TARBP1: variants seen among roughly 807,000 people sequenced by gnomAD.
TARBP1 encodes tRNA (guanosine(18)-2'-O)-methyltransferase TARBP1.
In TARBP1, 144 loss-of-function variants were observed where a neutral mutation model predicts 178.6. The observed-to-expected ratio is 0.81, with a 90% CI of 0.70 to 0.93. The LOEUF is 0.93. TARBP1 is among the 40% of genes least tolerant of loss of function. The probability of loss-of-function intolerance (pLI) is 0.00; values close to 1 mark genes in which losing one functional copy is unlikely to be tolerated. For missense variants in TARBP1, 2,067 were observed against 2,011.7 expected (o/e 1.03, Z -0.53); for synonymous variants, 787 against 781.0 (o/e 1.01, Z -0.13).
intron 22 of TARBP1, among the ~76,000 whole-genome samples, chr1:234,416,341 T>C (rs771525511): frequency 6.6e-6 from 1 of 152,162 alleles, no homozygotes; most frequent in Non-Finnish European, 1.5e-5. Context: ...TTTGATGCCA[T>C]CTGGAGTGCA....
intron 13 of TARBP1, among the ~76,000 whole-genome samples, chr1:234,435,395 T>C (rs116532909): frequency 0.096 from 14,611 of 152,230 alleles, 868 homozygotes; most frequent in East Asian, 0.23. Flanking sequence ...AGGCAGAAGA[T>C]TGCTTGAACC....
Position 234,430,304 on chromosome 1 carries a change from G to A in TARBP1, c.2395-3C>T, listed in dbSNP as rs1664293965. On this transcript the variant is annotated splice_polypyrimidine_tract_variant and splice_region_variant and intron_variant, in intron 14 of 29. Transcript: ENST00000040877. ...ATCTGACTTCCAACTGTTGGCTCCT[G>A]AAAAGGAAATGTGACAATGTTTTAT... 6.2e-7 allele frequency: 1 copy of A among 1,612,352 alleles called. No individual in the cohort carries two copies. The highest frequency in any genetic ancestry group is 2.2e-5 in the East Asian group (1 of 44,872).
At chr1:234,462,985 C>T (rs12039746) in intron 6 of TARBP1, among the ~76,000 whole-genome samples, 1 of 152,208 alleles carries the variant, frequency 6.6e-6, no homozygotes, top group Non-Finnish European at 1.5e-5. Flanking sequence ...AGAGTAGGTC[C>T]TGCTGCTGCT....
intron 8 of TARBP1, among the ~76,000 whole-genome samples, 179 bp from the exon 9 acceptor site, chr1:234,457,935 T>C (rs989960300): frequency 1.3e-5 from 2 of 151,952 alleles, no homozygotes; most frequent in Non-Finnish European, 2.9e-5. Context: ...GAAAATATTA[T>C]TCAACTTTTA....
chr1:234,405,845 T>A (rs1661179389), intron 24 of TARBP1, 58 bp downstream of exon 24: 1 of 1,512,806 alleles, frequency 6.6e-7, no homozygotes, highest in East Asian at 2.3e-5. Context: ...CACTGCCCCC[T>A]CCCTGTGGGC....
intron 22 of TARBP1, among the ~76,000 whole-genome samples, chr1:234,416,533 G>A (rs955557150): frequency 2.6e-5 from 4 of 152,178 alleles, no homozygotes; most frequent in African/African-American, 9.7e-5. Context: ...CTGACCTCAA[G>A]TAATTCTCCC....
At chr1:234,399,133 A>G (rs1047330515) in intron 25 of TARBP1, among the ~76,000 whole-genome samples, 1 of 152,244 alleles carries the variant, frequency 6.6e-6, no homozygotes, top group Admixed American at 6.5e-5. Context: ...GTCTGACACC[A>G]CTGTAAACAG....
At position 234,447,399 on chromosome 1, in the gene TARBP1, T is replaced by C. The variant is rs572204986; in HGVS notation, c.1962-424A>G. On this transcript the variant is annotated intron_variant, in intron 11 of 29. Transcript: ENST00000040877. ...TATTAAAAACTGTTAACCAACTTTT[T>C]TTTTTTTTTTTTTGAGATGGGGTCT... Among the ~76,000 whole-genome samples the C allele has an allele frequency of 1.9e-3, 273 of 145,660 alleles. 1 individual carries two copies. The highest frequency in any genetic ancestry group is 3.4e-3 in the Middle Eastern group (1 of 292).
At chr1:234,411,378 G>A (rs1024733954) in intron 22 of TARBP1, among the ~76,000 whole-genome samples, 2 of 152,284 alleles carry the variant, frequency 1.3e-5, no homozygotes, top group Admixed American at 1.3e-4. Context: ...AGGGGGCCTG[G>A]AATCAATCCC....
rs768090948 is a variant in TARBP1, at chr1:234,478,449, C to T, written c.655G>A (p.Ala219Thr). 18 of 1,388,222 alleles carry T rather than the reference C, an allele frequency of 1.3e-5. No individual in the cohort carries two copies. Among genetic ancestry groups the T allele is most frequent in the Non-Finnish European group, 1.6e-5 (17 of 1,067,322 alleles). The allele number at this position is 1,388,222 out of a possible 1,614,324, so 86.0% of individuals were successfully genotyped here. Reference protein sequence around the residue: ...AVWGGLAAPGASLGSGRVEEK... With the variant: ...AVWGGLAAPGTSLGSGRVEEK... Reference sequence around the variant, plus strand: ...TCTACGCGGCCGGACCCCAGGGACGCCCCAGGCGCGGCCAGCCCGCCCCAC... The same window carrying T: ...TCTACGCGGCCGGACCCCAGGGACGTCCCAGGCGCGGCCAGCCCGCCCCAC... Residue 219 changes from alanine (A) to threonine (T), a missense_variant, in exon 1 of 30, where the codon GCG (alanine) becomes ACG (threonine). Coordinates refer to ENST00000040877, the MANE Select transcript of TARBP1 (RefSeq NM_005646.4).
At chr1:234,447,784 T>C (rs928281360) in intron 11 of TARBP1, among the ~76,000 whole-genome samples, 20 of 144,014 alleles carry the variant, frequency 1.4e-4, no homozygotes, top group African/African-American at 4.6e-4. Context: ...ATGAGTGTTT[T>C]ATCTTTATTA....
intron 12 of TARBP1, among the ~76,000 whole-genome samples, chr1:234,439,268 A>T (rs1218546296): frequency 6.6e-6 from 1 of 152,214 alleles, no homozygotes; most frequent in Non-Finnish European, 1.5e-5. Context: ...TTTGTTGGTT[A>T]AAAGCAAAAA....
At chr1:234,418,692 C>T (rs1000191495) in intron 21 of TARBP1, among the ~76,000 whole-genome samples, 1 of 152,198 alleles carries the variant, frequency 6.6e-6, no homozygotes, top group African/African-American at 2.4e-5. Flanking sequence ...TCAGGCTCGT[C>T]GTCCTCCTGC....
chr1:234,455,999 T>C (rs1007447549), intron 9 of TARBP1, among the ~76,000 whole-genome samples: 1 of 152,220 alleles, frequency 6.6e-6, no homozygotes, highest in African/African-American at 2.4e-5. Flanking sequence ...ATGTTTTATC[T>C]ACCAAAGTGG....
At chr1:234,437,201 T>A in intron 13 of TARBP1, 74 bp downstream of exon 13, 1 of 755,294 alleles carries the variant, frequency 1.3e-6, no homozygotes, top group Non-Finnish European at 2.1e-6. Context: ...TTTAATACAG[T>A]GTCAGTAATC....
intron 6 of TARBP1, among the ~76,000 whole-genome samples, chr1:234,461,298 A>G (rs1398899762): frequency 1.3e-5 from 2 of 150,714 alleles, no homozygotes; most frequent in African/African-American, 4.9e-5. Context: ...TTTAAAAGGT[A>G]ATTTTTTGTT....
Position 234,478,458 on chromosome 1 carries a change from C to A in TARBP1, c.646G>T (p.Ala216Ser). 7.2e-7 allele frequency: 1 copy of A among 1,383,814 alleles called. No homozygotes were observed. The highest frequency in any genetic ancestry group is 2.8e-5 in the Admixed American group (1 of 35,718). 85.7% of individuals were successfully genotyped at this position (1,383,814 alleles called of 1,614,324 possible). A position where few individuals can be genotyped will look rare whatever the true frequency, so the allele number is the denominator to read the frequency against. Residue 216 changes from alanine (A) to serine (S), a missense_variant, in exon 1 of 30, where the codon GCG (alanine) becomes TCG (serine). Physicochemically the swap from Ala to Ser is moderately conservative, Grantham distance 99. Coordinates refer to ENST00000040877, the MANE Select transcript of TARBP1 (RefSeq NM_005646.4). The stretch of plus-strand genomic sequence containing the variant: ...CCGGACCCCAGGGACGCCCCAGGCG[C>A]GGCCAGCCCGCCCCACACGGCCCGC... ...ALRAVWGGLAAPGASLGSGRV... is the reference protein window; with the variant it reads ...ALRAVWGGLASPGASLGSGRV...
chr1:234,394,978 C>T (rs1479515841), intron 26 of TARBP1, among the ~76,000 whole-genome samples: 1 of 151,496 alleles, frequency 6.6e-6, no homozygotes, highest in Non-Finnish European at 1.5e-5. Context: ...AATCCCAGCA[C>T]TTTAGGAGGC....
At chr1:234,417,200 G>A (rs1258714096) in intron 22 of TARBP1, among the ~76,000 whole-genome samples, 6 of 152,186 alleles carry the variant, frequency 3.9e-5, no homozygotes, top group Non-Finnish European at 7.3e-5. Context: ...ATTTGAGGAA[G>A]GCAAAGATCA....
Sources: allele counts gnomAD v4.1 joint callset (sites outside exome capture counted in the v4.1 genomes callset), GRCh38; gene constraint gnomAD v4.1.1; transcripts MANE v1.5; gene names NCBI Gene and HGNC (gene_info 2026-07-23, HGNC 2026-07-21).